The following RC3H1 variants were observed in gnomAD, a reference collection of about 807,000 sequenced individuals.
RC3H1 encodes the protein roquin-1.
A neutral mutation model predicts 138.2 loss-of-function variants in RC3H1; 50 were observed. The observed-to-expected ratio is 0.36, with a 90% CI of 0.29 to 0.46. RC3H1 has a LOEUF of 0.46. RC3H1 is among the 20% of genes least tolerant of loss of function. The pLI, the probability that RC3H1 is intolerant of heterozygous loss-of-function variation, is 1.00. For missense variants in RC3H1, 1,031 were observed against 1,388.1 expected (o/e 0.74, Z 4.09); for synonymous variants, 462 against 489.1 (o/e 0.94, Z 0.73).
At chr1:174,017,194 C>G (rs1035464347) in intron 1 of RC3H1, among the ~76,000 whole-genome samples, 1 of 152,142 alleles carries the variant, frequency 6.6e-6, no homozygotes, top group Non-Finnish European at 1.5e-5. Flanking sequence ...TTAAGAAAAC[C>G]TAAAAGGCAA....
chr1:174,021,652 T>G (rs1661962800), intron 1 of RC3H1, among the ~76,000 whole-genome samples: 1 of 152,178 alleles, frequency 6.6e-6, no homozygotes, highest in Non-Finnish European at 1.5e-5. Context: ...GAAGCAGCCC[T>G]GAGGTGCTGG....
At chr1:173,961,628 A>G (rs1227476143) in intron 12 of RC3H1, 97 bp downstream of exon 12, 1 of 1,111,016 alleles carries the variant, frequency 9.0e-7, no homozygotes, top group African/African-American at 1.6e-5. Context: ...TATAAAAAAG[A>G]ATTCATCAAA....
intron 7 of RC3H1, among the ~76,000 whole-genome samples, chr1:173,973,159 A>G (rs1660436463): frequency 6.6e-6 from 1 of 152,238 alleles, no homozygotes; most frequent in Non-Finnish European, 1.5e-5. Context: ...GGATTAAACA[A>G]AACTGAGGAC....
intron 1 of RC3H1, among the ~76,000 whole-genome samples, chr1:174,014,696 ATAT>A (rs765495500): frequency 6.6e-6 from 1 of 152,198 alleles, no homozygotes; most frequent in Non-Finnish European, 1.5e-5. Flanking sequence ...TATACTAAAG[ATAT>A]TATTATTTAC....
chr1:173,995,280 T>A (rs146151561), intron 1 of RC3H1, among the ~76,000 whole-genome samples: 102 of 152,150 alleles, frequency 6.7e-4, no homozygotes, highest in East Asian at 2.7e-3. Context: ...ACACCTGTAA[T>A]CCCAGCACTT....
In RC3H1 at chr1:173,936,757, ATATATT is replaced by A. The variant is rs1397920197; in HGVS notation, c.*1958_*1963del. 1.9e-3 allele frequency: 56 copies of A among 29,248 alleles called. No homozygotes were observed. Among genetic ancestry groups the A allele is most frequent in the Middle Eastern group, 0.022 (1 of 46 alleles). The allele number at this position is 29,248 out of a possible 1,614,324, so 1.8% of individuals were successfully genotyped here. A position where few individuals can be genotyped will look rare whatever the true frequency, so the allele number is the denominator to read the frequency against. ...TATATATATATATATATATATATATATATATTTTTTTTTTTTTTTTTAAAAAAAGAA... is the reference window on the plus strand; with the variant it reads ...TATATATATATATATATATATATATATTTTTTTTTTTTTTTAAAAAAAGAA... On this transcript the variant is annotated 3_prime_UTR_variant, in exon 20 of 20. Transcript: ENST00000367696.
At chr1:173,978,384 A>C in intron 7 of RC3H1, 104 bp downstream of exon 7, 1 of 1,210,844 alleles carries the variant, frequency 8.3e-7, no homozygotes, top group Non-Finnish European at 1.1e-6. Flanking sequence ...ATCTGGAGTA[A>C]CTACTTTGGG....
At chr1:173,990,275 A>G (rs1408652140) in intron 2 of RC3H1, among the ~76,000 whole-genome samples, 1 of 151,286 alleles carries the variant, frequency 6.6e-6, no homozygotes, top group African/African-American at 2.4e-5. Flanking sequence ...ACGGGGTTTC[A>G]CCATGTTGGC....
intron 1 of RC3H1, among the ~76,000 whole-genome samples, chr1:174,015,288 G>T (rs1189718671): frequency 6.8e-6 from 1 of 147,666 alleles, no homozygotes; most frequent in Non-Finnish European, 1.5e-5. Context: ...TCTAAACTGA[G>T]ACCTGGACAA....
chr1:173,967,252 C>T (rs1296976173), intron 9 of RC3H1, among the ~76,000 whole-genome samples: 2 of 151,846 alleles, frequency 1.3e-5, no homozygotes, highest in Admixed American at 6.6e-5. Flanking sequence ...GCCTGGAAGT[C>T]GAGGCTGCAG....
chr1:173,953,003 G>A (rs1200734836), intron 13 of RC3H1, among the ~76,000 whole-genome samples: 2 of 151,952 alleles, frequency 1.3e-5, no homozygotes, highest in Non-Finnish European at 2.9e-5. Flanking sequence ...GTGTTCATTT[G>A]TATTGGTTCA....
Position 173,992,918 on chromosome 1 carries a change from T to G in RC3H1, c.68A>C (p.Glu23Ala). ...CAAACTGATGGGCTTTCGAATTGTT[T>G]CGTCGAAAGTCTGAGTGCAAATTGG... ...SCPICTQTFD[E>A]TIRKPISLGC... The change falls in exon 2 of 20, where the codon GAA becomes GCA. Residue 23 changes from glutamate to alanine, a missense_variant. Physicochemically the swap from Glu to Ala is moderately radical, Grantham distance 107. This residue lies in a region of RC3H1 where 35 missense variants were observed against 69.4 expected (regional missense o/e 0.50). Transcript: ENST00000367696. 6.2e-7 allele frequency: 1 copy of G among 1,614,152 alleles called. No individual in the cohort carries two copies. The highest frequency in any genetic ancestry group is 8.5e-7 in the Non-Finnish European group (1 of 1,180,032).
intron 9 of RC3H1, among the ~76,000 whole-genome samples, chr1:173,966,947 T>C (rs1390546827): frequency 6.6e-6 from 1 of 152,198 alleles, no homozygotes; most frequent in African/African-American, 2.4e-5. Flanking sequence ...CATATATTAC[T>C]GCTAATTTTT....
chr1:174,021,481 A>C (rs1661957067), intron 1 of RC3H1, among the ~76,000 whole-genome samples: 1 of 151,088 alleles, frequency 6.6e-6, no homozygotes, highest in Non-Finnish European at 1.5e-5. Flanking sequence ...TGTTGCATTT[A>C]AGTTTTTTGT....
chr1:173,952,124 GTCT>G lies in RC3H1; in HGVS notation c.2382_2384del (p.Glu794del). The G allele has an allele frequency of 6.7e-7, 1 of 1,497,346 alleles. No individual in the cohort carries two copies. Among genetic ancestry groups the G allele is most frequent in the Non-Finnish European group, 8.9e-7 (1 of 1,120,180 alleles). 92.8% of individuals were successfully genotyped at this position (1,497,346 alleles called of 1,614,324 possible). A position where few individuals can be genotyped will look rare whatever the true frequency, so the allele number is the denominator to read the frequency against. On this transcript the variant is annotated inframe_deletion, in exon 14 of 20. Coordinates refer to ENST00000367696, the MANE Select transcript of RC3H1 (RefSeq NM_172071.4). ...CTTTGTATTTCCCAGCTACCTTCAAGTCTTCATCCAAAAACTACAGATGGAGAA... is the reference window on the plus strand; with the variant it reads ...CTTTGTATTTCCCAGCTACCTTCAAGTCATCCAAAAACTACAGATGGAGAA...
intron 17 of RC3H1, among the ~76,000 whole-genome samples, chr1:173,944,736 T>A (rs1196759899): frequency 6.6e-6 from 1 of 152,206 alleles, no homozygotes; most frequent in Admixed American, 6.5e-5. Context: ...TGAATCAATG[T>A]AAATAAGCAA....
intron 9 of RC3H1, among the ~76,000 whole-genome samples, chr1:173,968,495 G>T (rs1660214429): frequency 6.6e-6 from 1 of 151,948 alleles, no homozygotes; most frequent in Non-Finnish European, 1.5e-5. Flanking sequence ...TTTTTAAACT[G>T]GTTATGTTTC....
In RC3H1 at chr1:173,992,917, T is replaced by C; in HGVS notation, c.69A>G (p.Glu23=). ...CCAAACTGATGGGCTTTCGAATTGTTTCGTCGAAAGTCTGAGTGCAAATTG... is the reference window on the plus strand; with the variant it reads ...CCAAACTGATGGGCTTTCGAATTGTCTCGTCGAAAGTCTGAGTGCAAATTG... ...SCPICTQTFD[E]TIRKPISLGC... Residue 23 remains glutamate, a synonymous_variant, in exon 2 of 20, where the codon GAA becomes GAG. Coordinates refer to ENST00000367696, the MANE Select transcript of RC3H1 (RefSeq NM_172071.4). The C allele has an allele frequency of 6.2e-7, 1 of 1,614,120 alleles. No individual in the cohort carries two copies. Among genetic ancestry groups the C allele is most frequent in the Non-Finnish European group, 8.5e-7 (1 of 1,180,016 alleles).
chr1:173,988,009 T>A (rs1028019162), intron 2 of RC3H1, among the ~76,000 whole-genome samples: 3 of 152,192 alleles, frequency 2.0e-5, no homozygotes, highest in African/African-American at 7.2e-5. Flanking sequence ...AAGACTAGAG[T>A]ACACTGCTTA....
Sources: allele counts gnomAD v4.1 joint callset (sites outside exome capture counted in the v4.1 genomes callset), GRCh38; gene constraint gnomAD v4.1.1; regional missense constraint gnomAD v4.1.1; transcripts MANE v1.5; gene names NCBI Gene and HGNC (gene_info 2026-07-23, HGNC 2026-07-21).